The following DMRT1 variants were observed in gnomAD, a reference collection of about 807,000 sequenced individuals.
The protein encoded by DMRT1 is doublesex and mab-3 related transcription factor 1.
Under a neutral mutation model 32.3 loss-of-function variants are expected in DMRT1, and 7 were observed. That is an observed-to-expected ratio of 0.22 (90% confidence interval 0.12 to 0.41). DMRT1 has a LOEUF of 0.41. Ranked by LOEUF, DMRT1 falls within the 10% of genes least tolerant of loss-of-function variation. DMRT1 has a pLI of 1.00. For synonymous variants in DMRT1, 278 were observed against 206.1 expected (o/e 1.35, Z -2.99); for missense variants, 625 against 500.5 (o/e 1.25, Z -2.37).
chr9:917,540 C>T (rs28474847), intron 4 of DMRT1, among the ~76,000 whole-genome samples: 14,135 of 152,112 alleles, frequency 0.093, 1,204 homozygotes, highest in African/African-American at 0.2. Flanking sequence ...TTCCAGATCC[C>T]GTGTTTAAGT....
intron 4 of DMRT1, among the ~76,000 whole-genome samples, chr9:919,259 A>T (rs947441039): frequency 1.2e-4 from 19 of 152,156 alleles, no homozygotes; most frequent in African/African-American, 4.6e-4. Flanking sequence ...TTAAAGTCTT[A>T]TTTAAGTATA....
At chr9:948,901 C>CAAA (rs869227113) in intron 4 of DMRT1, among the ~76,000 whole-genome samples, 4 of 123,026 alleles carry the variant, frequency 3.3e-5, no homozygotes, top group African/African-American at 1.2e-4. Context: ...ACTAAAAATA[C>CAAA]AAAATAATAA....
intron 3 of DMRT1, among the ~76,000 whole-genome samples, chr9:908,029 T>A (rs964656976): frequency 1.3e-5 from 2 of 152,202 alleles, no homozygotes; most frequent in African/African-American, 4.8e-5. Context: ...AAAAAATAAT[T>A]TGGCCTTTGT....
chr9:938,328 G>C (rs989561346), intron 4 of DMRT1, among the ~76,000 whole-genome samples: 2 of 152,150 alleles, frequency 1.3e-5, no homozygotes, highest in African/African-American at 2.4e-5. Context: ...TTGAGATTTT[G>C]ATGGAAATTG....
At chr9:860,996 C>T (rs1395473455) in intron 2 of DMRT1, among the ~76,000 whole-genome samples, 4 of 150,648 alleles carry the variant, frequency 2.7e-5, no homozygotes, top group South Asian at 2.1e-4. Context: ...AGCATGAATG[C>T]AGTGGACAGC....
At chr9:842,238 T>TG (rs1564189622) in intron 1 of DMRT1, 46 bp downstream of exon 1, 42 of 1,496,864 alleles carry the variant, frequency 2.8e-5, no homozygotes, top group Non-Finnish European at 2.6e-5. Flanking sequence ...TAGTTTTTTT[T>TG]TTTTTTTTTT....
intron 3 of DMRT1, among the ~76,000 whole-genome samples, chr9:903,642 G>C (rs1188361091): frequency 6.6e-6 from 1 of 152,232 alleles, no homozygotes; most frequent in Non-Finnish European, 1.5e-5. Context: ...CAGATGGTGA[G>C]AGGTTGGGTT....
chr9:872,646 T>A (rs920282158), intron 2 of DMRT1, among the ~76,000 whole-genome samples: 1 of 152,252 alleles, frequency 6.6e-6, no homozygotes, highest in Non-Finnish European at 1.5e-5. Flanking sequence ...TGTAGCATGT[T>A]TCAGGACATC....
In DMRT1 at chr9:954,798, C is replaced by T. The variant is rs980125186; in HGVS notation, c.968-13187C>T. ...CTGGGATTACAGGTGCGTGCCACCA[C>T]GCCCAGATAATTTTTGTATTTTTAG... On this transcript the variant is annotated intron_variant, in intron 4 of 4. Transcript: ENST00000382276. Among the ~76,000 whole-genome samples the T allele has an allele frequency of 8.6e-5, 13 of 151,772 alleles. 1 individual carries two copies. The highest frequency in any genetic ancestry group is 2.9e-4 in the African/African-American group (12 of 41,392).
At chr9:843,138 C>T (rs1048062942) in intron 1 of DMRT1, among the ~76,000 whole-genome samples, 1 of 152,206 alleles carries the variant, frequency 6.6e-6, no homozygotes, top group East Asian at 1.9e-4. Context: ...GACTCTCCCT[C>T]CTTGCTGAGT....
chr9:909,355 A>G (rs1158290041), intron 3 of DMRT1, among the ~76,000 whole-genome samples: 4 of 152,172 alleles, frequency 2.6e-5, no homozygotes, highest in African/African-American at 4.8e-5. Flanking sequence ...ATGCTGAAAA[A>G]TGAATAAGGT....
chr9:850,741 G>GA (rs71310710), intron 2 of DMRT1, among the ~76,000 whole-genome samples: 106,210 of 152,018 alleles, frequency 0.7, 37,967 homozygotes, highest in Middle Eastern at 0.78. Flanking sequence ...GTATAGATGT[G>GA]AGGCCAGCCA....
At chr9:887,089 G>A (rs113365649) in intron 2 of DMRT1, among the ~76,000 whole-genome samples, 2,678 of 152,306 alleles carry the variant, frequency 0.018, 74 homozygotes, top group African/African-American at 0.062. Flanking sequence ...TACTCCAGAG[G>A]CTGAGGCAGG....
chr9:850,306 TGGAGTGTGGG>T (rs1839090241), intron 2 of DMRT1, among the ~76,000 whole-genome samples: 1 of 151,976 alleles, frequency 6.6e-6, no homozygotes, highest in Non-Finnish European at 1.5e-5. Flanking sequence ...GACAGAAAGA[TGGAGTGTGGG>T]AGAGTGGGGG....
chr9:848,239 C>T (rs115794766), intron 2 of DMRT1, among the ~76,000 whole-genome samples: 2,868 of 152,286 alleles, frequency 0.019, 83 homozygotes, highest in African/African-American at 0.065. Flanking sequence ...AGCTGTGCAA[C>T]TTTGGAGAAG....
chr9:862,411 G>T (rs1176834130), intron 2 of DMRT1, among the ~76,000 whole-genome samples: 6 of 150,786 alleles, frequency 4.0e-5, no homozygotes, highest in African/African-American at 1.5e-4. Context: ...TGAGGCAGGA[G>T]AATCAGGCAG....
At chr9:904,899 G>A (rs936941480) in intron 3 of DMRT1, among the ~76,000 whole-genome samples, 8 of 147,220 alleles carry the variant, frequency 5.4e-5, no homozygotes, top group South Asian at 2.1e-4. Flanking sequence ...CCGAGATTGC[G>A]CCACTGTACT....
rs142703931 is a variant in DMRT1, at chr9:841,837, C to T, written c.-2C>T. 6.2e-7 allele frequency: 1 copy of T among 1,609,778 alleles called. No homozygotes were observed. Among genetic ancestry groups the T allele is most frequent in the East Asian group, 2.2e-5 (1 of 44,740 alleles). On this transcript the variant is annotated 5_prime_UTR_variant, in exon 1 of 5. Coordinates refer to ENST00000382276, the MANE Select transcript of DMRT1 (RefSeq NM_021951.3). Reference sequence around the variant, plus strand: ...AGTGCTCGCACTTCTCCTAGGGGCACCATGCCCAACGACGAGGCATTCAGC... The same window carrying T: ...AGTGCTCGCACTTCTCCTAGGGGCATCATGCCCAACGACGAGGCATTCAGC...
chr9:964,954 A>C (rs1819887226), intron 4 of DMRT1, among the ~76,000 whole-genome samples: 1 of 152,216 alleles, frequency 6.6e-6, no homozygotes. Flanking sequence ...TTTTGAGTTG[A>C]AATTAGCCTG....
Sources: allele counts gnomAD v4.1 joint callset (sites outside exome capture counted in the v4.1 genomes callset), GRCh38; gene constraint gnomAD v4.1.1; transcripts MANE v1.5; gene names NCBI Gene and HGNC (gene_info 2026-07-23, HGNC 2026-07-21).